Variants in SPDL1 observed in about 807,000 individuals in gnomAD.
SPDL1 encodes protein Spindly.
SPDL1 carries 85 observed loss-of-function variants against 79.5 expected under a neutral mutation model. The ratio of observed to expected loss-of-function variants is 1.07; its 90% CI spans 0.90 to 1.28. The LOEUF is 1.28. Ranked by LOEUF, SPDL1 falls within the 50% of genes most tolerant of loss-of-function variation. SPDL1 has a pLI of 0.00. For missense variants in SPDL1, 703 were observed against 697.8 expected (o/e 1.01, Z -0.08); for synonymous variants, 269 against 240.3 (o/e 1.12, Z -1.10).
chr5:169,586,672 C>CT (rs1755000016), intron 1 of SPDL1, among the ~76,000 whole-genome samples: 1 of 152,114 alleles, frequency 6.6e-6, no homozygotes, highest in South Asian at 2.1e-4. Context: ...TTACTTTTCC[C>CT]TTTTTCACAC....
intron 7 of SPDL1, 106 bp downstream of exon 7, chr5:169,594,787 A>G: frequency 1.5e-6 from 1 of 678,706 alleles, no homozygotes; most frequent in East Asian, 2.8e-5. Context: ...GTGTACTTAT[A>G]TAGTTGTTTC....
intron 1 of SPDL1, 41 bp downstream of exon 1, chr5:169,583,930 G>C (rs1754838499): frequency 6.6e-6 from 1 of 152,452 alleles, no homozygotes. Flanking sequence ...TGTGGAGAGC[G>C]GCAGTGGGGA....
Position 169,591,109 on chromosome 5 carries a change from A to T in SPDL1, c.221A>T (p.Glu74Val). ...GTTGAACTCAAGAGTCGAATGTTAG[A>T]AAGTTTGAGCTGCGAATGTGAAGCT... is the stretch of plus-strand genomic sequence containing the variant. ...REVELKSRMLESLSCECEAIK... is the reference protein window; with the variant it reads ...REVELKSRMLVSLSCECEAIK... The change falls in exon 3 of 12, where the codon GAA (glutamate) becomes GTA (valine). Residue 74 changes from glutamate to valine, a missense_variant. Physicochemically the swap from Glu to Val is moderately radical, Grantham distance 121 (BLOSUM62 -2). Transcript: ENST00000265295. The T allele has an allele frequency of 6.2e-7, 1 of 1,614,068 alleles. No homozygotes were observed. Among genetic ancestry groups the T allele is most frequent in the Non-Finnish European group, 8.5e-7 (1 of 1,179,976 alleles).
intron 3 of SPDL1, 130 bp from the exon 4 acceptor site, chr5:169,593,224 C>A: frequency 1.3e-6 from 1 of 752,724 alleles, no homozygotes; most frequent in Non-Finnish European, 2.1e-6. Context: ...TAAAAGATGC[C>A]TAACCTTGGG....
intron 8 of SPDL1, 22 bp downstream of exon 8, chr5:169,596,723 A>G: frequency 6.5e-7 from 1 of 1,539,790 alleles, no homozygotes; most frequent in Admixed American, 2.4e-5. Context: ...AGTTAAAAAA[A>G]CACACATCCA....
chr5:169,597,397 C>CT (rs920010523), intron 8 of SPDL1, among the ~76,000 whole-genome samples: 4 of 152,070 alleles, frequency 2.6e-5, no homozygotes, highest in African/African-American at 9.7e-5. Context: ...ATACTTGAGT[C>CT]TGTTTCTAAA....
chr5:169,594,013 A>G, intron 4 of SPDL1, 132 bp from the exon 5 acceptor site: 1 of 656,862 alleles, frequency 1.5e-6, no homozygotes, highest in Non-Finnish European at 2.5e-6. Context: ...TTATTTTAGA[A>G]TGTACCTGAC....
At chr5:169,584,381 C>G (rs1294258325) in intron 1 of SPDL1, among the ~76,000 whole-genome samples, 2 of 152,074 alleles carry the variant, frequency 1.3e-5, no homozygotes, top group Non-Finnish European at 2.9e-5. Flanking sequence ...CATTTAAAAT[C>G]ACGTACATGA....
intron 1 of SPDL1, among the ~76,000 whole-genome samples, chr5:169,587,955 A>G (rs1755071189): frequency 6.6e-6 from 1 of 152,154 alleles, no homozygotes; most frequent in Admixed American, 6.5e-5. Context: ...CCTGGCCTCA[A>G]GTAATCCTCC....
At chr5:169,589,701 T>A (rs1755173583) in intron 2 of SPDL1, among the ~76,000 whole-genome samples, 1 of 151,876 alleles carries the variant, frequency 6.6e-6, no homozygotes. Flanking sequence ...TTTTTTTTTC[T>A]TTTTTCTTTT....
intron 8 of SPDL1, 132 bp downstream of exon 8, chr5:169,596,833 T>G (rs1755611879): frequency 1.4e-6 from 1 of 698,310 alleles, no homozygotes; most frequent in African/African-American, 1.9e-5. Flanking sequence ...AAATGGCTGT[T>G]TCTCCTTATA....
chr5:169,601,391 G>C lies in SPDL1; in HGVS notation c.1436G>C (p.Arg479Pro). The stretch of plus-strand genomic sequence containing the variant: ...AGTGCTCTCGGGGGAGAAGTTTATC[G>C]ATTACCGCCTCAGAAAGAGGAGACA... ...NNSALGGEVY[R>P]LPPQKEETQS... The change falls in exon 11 of 12, where the codon CGA becomes CCA. Residue 479 changes from arginine (R) to proline (P), a missense_variant. Coordinates refer to ENST00000265295, the MANE Select transcript of SPDL1 (RefSeq NM_017785.5). 1.2e-6 allele frequency: 2 copies of C among 1,613,992 alleles called. No individual in the cohort carries two copies. The highest frequency in any genetic ancestry group is 8.5e-7 in the Non-Finnish European group (1 of 1,180,008).
intron 2 of SPDL1, among the ~76,000 whole-genome samples, chr5:169,590,443 T>C (rs1380908834): frequency 6.6e-6 from 1 of 152,264 alleles, no homozygotes; most frequent in Non-Finnish European, 1.5e-5. Context: ...GGGGAATATT[T>C]TATCATTTTT....
chr5:169,604,380 G>A lies in SPDL1; in HGVS notation c.*173G>A. On this transcript the variant is annotated 3_prime_UTR_variant, in exon 12 of 12. Coordinates refer to ENST00000265295, the MANE Select transcript of SPDL1 (RefSeq NM_017785.5). The stretch of plus-strand genomic sequence containing the variant: ...TCAGAATTTGCTTGACTCTAACCTG[G>A]AGAGCTTCTTAAGTGATGCCCCTTC... 1 of 488,266 alleles carries A rather than the reference G, an allele frequency of 2.0e-6. No homozygotes were observed. Among genetic ancestry groups the A allele is most frequent in the Admixed American group, 4.0e-5 (1 of 25,246 alleles). The allele number at this position is 488,266 out of a possible 1,614,324, so 30.2% of individuals were successfully genotyped here. A position where few individuals can be genotyped will look rare whatever the true frequency, so the allele number is the denominator to read the frequency against.
chr5:169,597,153 A>C (rs1008844222), intron 8 of SPDL1, among the ~76,000 whole-genome samples: 2 of 151,902 alleles, frequency 1.3e-5, no homozygotes, highest in Non-Finnish European at 1.5e-5. Context: ...TTCCTAGCTC[A>C]CCTGGCCCAC....
At chr5:169,587,734 ATTG>A in intron 1 of SPDL1, among the ~76,000 whole-genome samples, 1 of 152,230 alleles carries the variant, frequency 6.6e-6, no homozygotes, top group East Asian at 1.9e-4. Context: ...TGGTGGTATT[ATTG>A]TTATTATCAT....
intron 8 of SPDL1, 40 bp downstream of exon 8, chr5:169,596,741 A>T (rs749401424): frequency 6.7e-7 from 1 of 1,502,620 alleles, no homozygotes; most frequent in Non-Finnish European, 8.9e-7. Flanking sequence ...CCAAATTTTG[A>T]TTTGAATATC....
At position 169,593,338 on chromosome 5, in the gene SPDL1, T is replaced by G. The variant is rs1295426905; in HGVS notation, c.337-16T>G. 6.4e-7 allele frequency: 1 copy of G among 1,570,750 alleles called. No individual in the cohort carries two copies. Among genetic ancestry groups the G allele is most frequent in the Non-Finnish European group, 8.6e-7 (1 of 1,164,678 alleles). ...AAATAACTTTCAATTTATGACTTTT[T>G]TTTTTTTGGCTTTAGATAGAAAAAC... is the stretch of plus-strand genomic sequence containing the variant. On this transcript the variant is annotated splice_polypyrimidine_tract_variant and intron_variant, in intron 3 of 11. Transcript: ENST00000265295.
intron 11 of SPDL1, among the ~76,000 whole-genome samples, chr5:169,602,219 A>G (rs1257578413): frequency 6.6e-6 from 1 of 152,236 alleles, no homozygotes; most frequent in African/African-American, 2.4e-5. Context: ...TGTCTGAAGG[A>G]ATTAATGTCC....
Sources: allele counts gnomAD v4.1 joint callset (sites outside exome capture counted in the v4.1 genomes callset), GRCh38; gene constraint gnomAD v4.1.1; transcripts MANE v1.5; gene names NCBI Gene and HGNC (gene_info 2026-07-23, HGNC 2026-07-21).